CLCN3: variants seen among roughly 807,000 people sequenced by gnomAD.
CLCN3 encodes Cl-/H+ antiporter 3, also known as H(+)/Cl(-) exchange transporter 3.
CLCN3 carries 16 observed loss-of-function variants against 83.4 expected under a neutral mutation model. That is an observed-to-expected ratio of 0.19 (90% CI 0.13 to 0.29). CLCN3 has a LOEUF of 0.29. Ranked by LOEUF, CLCN3 falls within the 10% of genes least tolerant of loss-of-function variation. The probability of loss-of-function intolerance (pLI) is 1.00; values close to 1 mark genes in which losing one functional copy is unlikely to be tolerated. For missense variants in CLCN3, 544 were observed against 1,006.0 expected, an observed-to-expected ratio of 0.54 and a Z score of 6.21; for synonymous variants, 322 against 346.2, an observed-to-expected ratio of 0.93 and a Z score of 0.78.
At chr4:169,709,487 C>G (rs1733125317) in intron 11 of CLCN3, among the ~76,000 whole-genome samples, 1 of 151,724 alleles carries the variant, frequency 6.6e-6, no homozygotes, top group Non-Finnish European at 1.5e-5. Context: ...AGTTTGAGAC[C>G]AGCCTGGCCA....
intron 5 of CLCN3, 124 bp from the exon 6 acceptor site, chr4:169,690,406 C>G: frequency 1.1e-6 from 1 of 949,018 alleles, no homozygotes; most frequent in Non-Finnish European, 1.5e-6. Context: ...TCAACCTCCC[C>G]AGTGCTGGGA....
chr4:169,695,448 A>C (rs1412472502), intron 7 of CLCN3, among the ~76,000 whole-genome samples, 164 bp from the exon 8 acceptor site: 1 of 152,238 alleles, frequency 6.6e-6, no homozygotes, highest in East Asian at 1.9e-4. Context: ...AAAGAAACAA[A>C]TCTTAATAGA....
chr4:169,681,093 A>G (rs576811166), intron 3 of CLCN3, among the ~76,000 whole-genome samples: 1 of 151,908 alleles, frequency 6.6e-6, no homozygotes, highest in Non-Finnish European at 1.5e-5. Context: ...CTGTTGCCCA[A>G]ACTGGAGTGC....
chr4:169,648,116 C>G (rs796122159), intron 2 of CLCN3, among the ~76,000 whole-genome samples: 1 of 152,058 alleles, frequency 6.6e-6, no homozygotes, highest in Non-Finnish European at 1.5e-5. Context: ...TTCAGGGAGA[C>G]AAGATAGCTA....
chr4:169,626,939 A>T (rs544369847), intron 1 of CLCN3, among the ~76,000 whole-genome samples: 1 of 152,356 alleles, frequency 6.6e-6, no homozygotes, highest in East Asian at 1.9e-4. Flanking sequence ...GCCCTATCTT[A>T]CGTTTAGAAT....
intron 2 of CLCN3, among the ~76,000 whole-genome samples, chr4:169,676,825 A>T (rs1289404722): frequency 6.6e-6 from 1 of 152,008 alleles, no homozygotes. Flanking sequence ...ATAGCAATAT[A>T]AATTGTCTTT....
intron 2 of CLCN3, among the ~76,000 whole-genome samples, chr4:169,650,625 ATGTC>A (rs1216593609): frequency 6.6e-6 from 1 of 152,224 alleles, no homozygotes; most frequent in Non-Finnish European, 1.5e-5. Flanking sequence ...CTACCATTTA[ATGTC>A]TGTCTGTTGG....
At position 169,681,211 on chromosome 4, in the gene CLCN3, C is replaced by T. The variant is rs144498246; in HGVS notation, c.318+1004C>T. ...TATAGGTGTGTGCCATCATGCCAAG[C>T]TAATTTTTGTATTTTTAGTAGAGAT... On this transcript the variant is annotated intron_variant, in intron 3 of 12. Coordinates refer to ENST00000513761, the MANE Select transcript of CLCN3 (RefSeq NM_001829.4). Among the ~76,000 whole-genome samples, 31 of 152,250 alleles carry T rather than the reference C, an allele frequency of 2.0e-4. No homozygotes were observed. In the East Asian group the frequency reaches 4.8e-3, roughly 24 times the overall value.
At chr4:169,702,591 T>G (rs1560869031) in intron 9 of CLCN3, among the ~76,000 whole-genome samples, 1 of 150,562 alleles carries the variant, frequency 6.6e-6, no homozygotes, top group South Asian at 2.1e-4. Flanking sequence ...AAGGATTACT[T>G]AAAAAAAAAG....
intron 2 of CLCN3, among the ~76,000 whole-genome samples, chr4:169,637,954 T>A (rs1055160002): frequency 9.9e-5 from 15 of 152,212 alleles, no homozygotes; most frequent in Admixed American, 6.5e-4. Flanking sequence ...ATTGAAATAA[T>A]TGTCTTATCC....
At position 169,707,195 on chromosome 4, in the gene CLCN3, C is replaced by T; in HGVS notation, c.2078C>T (p.Pro693Leu). The T allele has an allele frequency of 6.2e-7, 1 of 1,613,856 alleles. No individual in the cohort carries two copies. Among genetic ancestry groups the T allele is most frequent in the East Asian group, 2.2e-5 (1 of 44,876 alleles). ...AATGAAACCAGCTACAATGGATTTC[C>T]TGTCATAATGTCAAAAGAATCTCAG... ...MINETSYNGFPVIMSKESQRL... is the reference protein window; with the variant it reads ...MINETSYNGFLVIMSKESQRL... The change falls in exon 11 of 13, where the codon CCT (proline) becomes CTT (leucine). Residue 693 changes from proline (P) to leucine (L), a missense_variant. Coordinates refer to ENST00000513761, the MANE Select transcript of CLCN3 (RefSeq NM_001829.4).
In CLCN3 at chr4:169,680,097, C is replaced by G; in HGVS notation, c.208C>G (p.His70Asp). 6.2e-7 allele frequency: 1 copy of G among 1,611,716 alleles called. No homozygotes were observed. Among genetic ancestry groups the G allele is most frequent in the Non-Finnish European group, 8.5e-7 (1 of 1,177,786 alleles). ...TGGAGGCAGCATTAACAGTTCTACACATTTACTGGATCTTTTGGATGAACC... is the reference window on the plus strand; with the variant it reads ...TGGAGGCAGCATTAACAGTTCTACAGATTTACTGGATCTTTTGGATGAACC... ...TNGGSINSSTHLLDLLDEPIP... is the reference protein window; with the variant it reads ...TNGGSINSSTDLLDLLDEPIP... The change falls in exon 3 of 13, where the codon CAT becomes GAT. Residue 70 changes from histidine (H) to aspartate (D), a missense_variant. Around this residue, in one of 6 missense-constraint regions of CLCN3, gnomAD observed 77 missense variants for 92.8 expected, o/e 0.83. Coordinates refer to ENST00000513761, the MANE Select transcript of CLCN3 (RefSeq NM_001829.4).
intron 1 of CLCN3, among the ~76,000 whole-genome samples, chr4:169,628,194 T>C (rs1422742156): frequency 6.6e-6 from 1 of 152,134 alleles, no homozygotes; most frequent in African/African-American, 2.4e-5. Flanking sequence ...TATAAAAATA[T>C]TAAACTATAA....
chr4:169,669,185 G>A (rs921822159), intron 2 of CLCN3, among the ~76,000 whole-genome samples: 8 of 152,120 alleles, frequency 5.3e-5, no homozygotes, highest in Admixed American at 5.2e-4. Context: ...TATTAGTATT[G>A]GATATCTGGT....
chr4:169,717,785 G>A, intron 12 of CLCN3: 2 of 1,589,774 alleles, frequency 1.3e-6, no homozygotes, highest in Non-Finnish European at 1.7e-6. Flanking sequence ...ATAATAATCT[G>A]TTTCAGGATT....
At chr4:169,639,968 T>C (rs1425733135) in intron 2 of CLCN3, among the ~76,000 whole-genome samples, 1 of 152,234 alleles carries the variant, frequency 6.6e-6, no homozygotes, top group Non-Finnish European at 1.5e-5. Context: ...GCAAGTCACA[T>C]AGCCTGTTTA....
At chr4:169,658,172 TAAC>T (rs1358556128) in intron 2 of CLCN3, among the ~76,000 whole-genome samples, 4 of 152,126 alleles carry the variant, frequency 2.6e-5, no homozygotes, top group Middle Eastern at 3.4e-3. Flanking sequence ...GTCTCAGTGA[TAAC>T]AATTGCTAAG....
chr4:169,688,962 C>T, intron 4 of CLCN3, 81 bp from the exon 5 acceptor site: 1 of 1,199,118 alleles, frequency 8.3e-7, no homozygotes, highest in Non-Finnish European at 1.2e-6. Context: ...CTCCTGCTTT[C>T]TACTTGCCTT....
intron 5 of CLCN3, among the ~76,000 whole-genome samples, 198 bp from the exon 6 acceptor site, chr4:169,690,332 A>G (rs1215634080): frequency 6.6e-6 from 1 of 151,612 alleles, no homozygotes; most frequent in African/African-American, 2.4e-5. Flanking sequence ...TTTTAATAGC[A>G]ACGGGGTTTC....
Sources: allele counts gnomAD v4.1 joint callset (sites outside exome capture counted in the v4.1 genomes callset), GRCh38; gene constraint gnomAD v4.1.1; regional missense constraint gnomAD v4.1.1; transcripts MANE v1.5; gene names NCBI Gene and HGNC (gene_info 2026-07-23, HGNC 2026-07-21).